The following MINDY3 variants were observed in gnomAD, a reference collection of about 807,000 sequenced individuals.
MINDY3 encodes MINDY lysine 48 deubiquitinase 3, also known as ubiquitin carboxyl-terminal hydrolase MINDY-3.
MINDY3 carries 38 observed loss-of-function variants against 69.2 expected under a neutral mutation model. The ratio of observed to expected loss-of-function variants is 0.55; its 90% CI spans 0.42 to 0.72. MINDY3 has a LOEUF of 0.72. MINDY3 is among the 30% of genes least tolerant of loss of function. The probability of loss-of-function intolerance (pLI) is 0.00; values close to 1 mark genes in which losing one functional copy is unlikely to be tolerated. For missense variants in MINDY3, 522 were observed against 519.0 expected (o/e 1.01, Z -0.06); for synonymous variants, 192 against 180.1 (o/e 1.07, Z -0.53).
chr10:15,841,366 A>G, intron 4 of MINDY3, 60 bp downstream of exon 4: 4 of 1,338,578 alleles, frequency 3.0e-6, no homozygotes, highest in South Asian at 1.3e-5. Context: ...AAAATATTCA[A>G]TAGATTCATT....
In MINDY3 at chr10:15,778,796, T is replaced by G; in HGVS notation, c.*196A>C. On this transcript the variant is annotated 3_prime_UTR_variant, in exon 15 of 15. Coordinates refer to ENST00000277632, the MANE Select transcript of MINDY3 (RefSeq NM_024948.4). ...TGCTAGTAAATTTCACACGAAGGGG[T>G]AAAATAGGATAATCTTTAACATAAA... 1 of 462,852 alleles carries G rather than the reference T, an allele frequency of 2.2e-6. No homozygotes were observed. The highest frequency in any genetic ancestry group is 3.7e-6 in the Non-Finnish European group (1 of 269,914). 28.7% of individuals were successfully genotyped at this position (462,852 alleles called of 1,614,324 possible). A position where few individuals can be genotyped will look rare whatever the true frequency, so the allele number is the denominator to read the frequency against.
At chr10:15,804,544 A>T (rs1838492910) in intron 10 of MINDY3, among the ~76,000 whole-genome samples, 1 of 152,126 alleles carries the variant, frequency 6.6e-6, no homozygotes, top group Non-Finnish European at 1.5e-5. Flanking sequence ...AACCTCCAAG[A>T]GCATCGTCAT....
At chr10:15,799,518 C>T (rs1197856686) in intron 10 of MINDY3, among the ~76,000 whole-genome samples, 1 of 151,994 alleles carries the variant, frequency 6.6e-6, no homozygotes, top group African/African-American at 2.4e-5. Flanking sequence ...TTAAACATGC[C>T]AACTTTTTGA....
chr10:15,801,515 A>C (rs576058180), intron 10 of MINDY3, among the ~76,000 whole-genome samples: 1 of 152,260 alleles, frequency 6.6e-6, no homozygotes, highest in East Asian at 1.9e-4. Context: ...CTGGCCACCC[A>C]GAATCCCATG....
intron 3 of MINDY3, among the ~76,000 whole-genome samples, chr10:15,842,713 A>C (rs923052009): frequency 5.9e-5 from 9 of 151,754 alleles, no homozygotes; most frequent in South Asian, 2.1e-4. Flanking sequence ...TGGAATGCAA[A>C]TTCTTGTTAT....
At chr10:15,849,005 G>A (rs922625027) in intron 1 of MINDY3, among the ~76,000 whole-genome samples, 1 of 152,198 alleles carries the variant, frequency 6.6e-6, no homozygotes, top group African/African-American at 2.4e-5. Context: ...ATGCCTGGAT[G>A]ACACAGTCTC....
chr10:15,780,547 C>T (rs1311893907), intron 14 of MINDY3, among the ~76,000 whole-genome samples: 1 of 152,200 alleles, frequency 6.6e-6, no homozygotes, highest in African/African-American at 2.4e-5. Flanking sequence ...CATGACCCAC[C>T]TCCATGGCCT....
At chr10:15,781,055 T>C (rs1836490085) in intron 14 of MINDY3, among the ~76,000 whole-genome samples, 2 of 152,184 alleles carry the variant, frequency 1.3e-5, no homozygotes, top group South Asian at 4.1e-4. Flanking sequence ...ATTACAAAGC[T>C]GTGCAAACAT....
At chr10:15,833,999 T>G (rs7069213) in intron 7 of MINDY3, among the ~76,000 whole-genome samples, 2,525 of 152,158 alleles carry the variant, frequency 0.017, 65 homozygotes, top group African/African-American at 0.056. Context: ...ACTTAATATT[T>G]ACAATCTTTA....
chr10:15,786,382 A>C (rs1448437613), intron 13 of MINDY3, among the ~76,000 whole-genome samples, 179 bp downstream of exon 13: 1 of 152,144 alleles, frequency 6.6e-6, no homozygotes, highest in African/African-American at 2.4e-5. Context: ...CCATCAAGGC[A>C]CTGCGTTACC....
At position 15,834,522 on chromosome 10, in the gene MINDY3, CAA is replaced by C. The variant is rs749511091; in HGVS notation, c.650+19_650+20del. 1.3e-4 allele frequency: 205 copies of C among 1,561,032 alleles called. 1 individual carries two copies. Among genetic ancestry groups the C allele is most frequent in the Non-Finnish European group, 1.7e-4 (193 of 1,136,866 alleles). On this transcript the variant is annotated intron_variant, in intron 7 of 14. Coordinates refer to ENST00000277632, the MANE Select transcript of MINDY3 (RefSeq NM_024948.4). ...AAAAACTGGAGTTCACATGAGGAGA[CAA>C]GAGATTTTAGTTAATTACCTGCCAT...
chr10:15,841,629 G>T, intron 3 of MINDY3, 30 bp from the exon 4 acceptor site: 2 of 1,487,046 alleles, frequency 1.3e-6, no homozygotes, highest in Non-Finnish European at 1.8e-6. Flanking sequence ...AAGTTATAAT[G>T]GTTTCCTCTG....
chr10:15,804,210 A>AGT (rs1838465193), intron 10 of MINDY3, among the ~76,000 whole-genome samples: 1 of 152,132 alleles, frequency 6.6e-6, no homozygotes, highest in Non-Finnish European at 1.5e-5. Flanking sequence ...CACTCAGCTT[A>AGT]AATGCAGAGG....
intron 10 of MINDY3, among the ~76,000 whole-genome samples, chr10:15,813,959 A>C (rs2131966069): frequency 6.6e-6 from 1 of 151,366 alleles, no homozygotes; most frequent in South Asian, 2.1e-4. Context: ...ATGTATAATA[A>C]AGCAAACTCA....
rs1430427705 is a variant in MINDY3, at chr10:15,843,397, G to A, written c.175-125C>T. On this transcript the variant is annotated intron_variant, in intron 2 of 14. Transcript: ENST00000277632. ...CTAATCTTTTGACTAGTTCTGTAAA[G>A]ATGTCAAATGGGTTCCCCTCACATT... 5.4e-6 allele frequency: 4 copies of A among 743,416 alleles called. No individual in the cohort carries two copies. In the African/African-American group the frequency reaches 7.0e-5, roughly 13 times the overall value. 46.1% of individuals were successfully genotyped at this position (743,416 alleles called of 1,614,324 possible).
At chr10:15,814,657 G>A (rs567653140) in intron 10 of MINDY3, among the ~76,000 whole-genome samples, 51 of 152,186 alleles carry the variant, frequency 3.4e-4, no homozygotes, top group African/African-American at 1.2e-3. Flanking sequence ...AAAGGTGGGC[G>A]AGAGACAGCC....
At chr10:15,843,930 T>C (rs1235751859) in intron 2 of MINDY3, among the ~76,000 whole-genome samples, 3 of 152,136 alleles carry the variant, frequency 2.0e-5, no homozygotes, top group East Asian at 1.9e-4. Context: ...TTGCAGTTTC[T>C]TGGGCTCCAC....
At chr10:15,849,933 A>G (rs573039235) in intron 1 of MINDY3, among the ~76,000 whole-genome samples, 2 of 152,172 alleles carry the variant, frequency 1.3e-5, no homozygotes, top group Non-Finnish European at 2.9e-5. Context: ...AACCCTCACT[A>G]ATCTGGTTTT....
chr10:15,798,470 T>TG (rs1838005246), intron 10 of MINDY3, among the ~76,000 whole-genome samples: 1 of 151,616 alleles, frequency 6.6e-6, no homozygotes, highest in African/African-American at 2.4e-5. Flanking sequence ...AAGTGTTTTT[T>TG]TTTTTTTTTT....
Sources: gnomAD v4.1 joint callset for allele counts (sites outside exome capture counted in the v4.1 genomes callset) on GRCh38, gnomAD v4.1.1 for gene constraint, MANE v1.5 for transcripts, NCBI Gene and HGNC (gene_info 2026-07-23, HGNC 2026-07-21) for gene names.